Variants in RXRA observed in about 807,000 individuals in gnomAD.
RXRA encodes the protein retinoic acid receptor RXR-alpha.
A neutral mutation model predicts 44.5 loss-of-function variants in RXRA; 5 were observed. The observed-to-expected ratio is 0.11, with a 90% confidence interval of 0.06 to 0.24. The LOEUF (loss-of-function observed/expected upper bound fraction) is 0.24, where lower values mean the gene tolerates loss of function less well. RXRA is among the 10% of genes least tolerant of loss of function. The pLI, the probability that RXRA is intolerant of heterozygous loss-of-function variation, is 1.00. For missense variants in RXRA, 412 were observed against 646.5 expected (o/e 0.64, Z 3.93); for synonymous variants, 291 against 271.4 (o/e 1.07, Z -0.71).
At chr9:134,375,043 G>A (rs1309356040) in intron 1 of RXRA, among the ~76,000 whole-genome samples, 1 of 152,172 alleles carries the variant, frequency 6.6e-6, no homozygotes, top group African/African-American at 2.4e-5. Context: ...ACTGCAGGGA[G>A]TGCTCTTGAG....
chr9:134,412,893 C>T (rs1831171984), intron 4 of RXRA, among the ~76,000 whole-genome samples: 1 of 152,222 alleles, frequency 6.6e-6, no homozygotes, highest in Non-Finnish European at 1.5e-5. Flanking sequence ...AGGAAGGCTG[C>T]TTCCCATTTC....
At chr9:134,384,191 G>A (rs67855714) in intron 1 of RXRA, among the ~76,000 whole-genome samples, 81,164 of 151,462 alleles carry the variant, frequency 0.54, 23,781 homozygotes, top group East Asian at 0.74. Flanking sequence ...ACCCCGGTTG[G>A]GGGGGAGTCC....
At chr9:134,430,233 A>T (rs545991728) in intron 7 of RXRA, among the ~76,000 whole-genome samples, 8 of 152,256 alleles carry the variant, frequency 5.3e-5, no homozygotes, top group Admixed American at 5.2e-4. Context: ...CACACACCAG[A>T]CTGGGCCTTC....
At chr9:134,398,492 C>T (rs990688491) in intron 1 of RXRA, among the ~76,000 whole-genome samples, 1 of 151,824 alleles carries the variant, frequency 6.6e-6, no homozygotes, top group Non-Finnish European at 1.5e-5. Flanking sequence ...ACACACCCAG[C>T]CTATTGTCAC....
chr9:134,400,437 G>A (rs1042924759), intron 1 of RXRA, among the ~76,000 whole-genome samples: 6 of 152,218 alleles, frequency 3.9e-5, no homozygotes, highest in African/African-American at 1.4e-4. Context: ...AAGGCACGGA[G>A]GGCCTGAGAG....
At chr9:134,409,682 C>T (rs1831116391) in intron 4 of RXRA, among the ~76,000 whole-genome samples, 1 of 152,258 alleles carries the variant, frequency 6.6e-6, no homozygotes, top group Admixed American at 6.5e-5. Flanking sequence ...CTTCCCAGTC[C>T]TGGCTGGCTG....
intron 3 of RXRA, 48 bp downstream of exon 3, chr9:134,408,347 C>T (rs1024612872): frequency 1.3e-6 from 2 of 1,556,734 alleles, no homozygotes; most frequent in Non-Finnish European, 1.7e-6. Flanking sequence ...GGTTGTCAGG[C>T]CATTGCAGGG....
Position 134,369,759 on chromosome 9 carries a change from A to G in RXRA, c.29-31873A>G, listed in dbSNP as rs188457455. Among the ~76,000 whole-genome samples, 925 of 151,872 alleles carry G rather than the reference A, an allele frequency of 6.1e-3. 2 individuals carry two copies. The highest frequency in any genetic ancestry group is 8.8e-3 in the Non-Finnish European group (597 of 67,942). On this transcript the variant is annotated intron_variant, in intron 1 of 9. Coordinates refer to ENST00000481739, the MANE Select transcript of RXRA (RefSeq NM_002957.6). ...TCCTGTCTCAGAGCTGCCTTGGTGCACCCTCCCACAGCCTCACATTTGGAG... is the reference window on the plus strand; with the variant it reads ...TCCTGTCTCAGAGCTGCCTTGGTGCGCCCTCCCACAGCCTCACATTTGGAG...
At chr9:134,431,791 C>A in intron 7 of RXRA, 114 bp from the exon 8 acceptor site, 1 of 746,270 alleles carries the variant, frequency 1.3e-6, no homozygotes, top group Non-Finnish European at 2.2e-6. Flanking sequence ...CTTGGCCCAT[C>A]TCAGCGGCCC....
intron 1 of RXRA, among the ~76,000 whole-genome samples, chr9:134,399,794 A>T (rs1830931933): frequency 6.6e-6 from 1 of 152,222 alleles, no homozygotes; most frequent in South Asian, 2.1e-4. Context: ...CCCGACTGCG[A>T]TGGGGCACTA....
intron 1 of RXRA, among the ~76,000 whole-genome samples, chr9:134,328,699 G>A (rs981949151): frequency 6.6e-6 from 1 of 152,228 alleles, no homozygotes; most frequent in Admixed American, 6.5e-5. Flanking sequence ...CCCTCCTCGG[G>A]GTGAGTGGTG....
chr9:134,380,642 G>A (rs1830629750), intron 1 of RXRA, among the ~76,000 whole-genome samples: 1 of 152,076 alleles, frequency 6.6e-6, no homozygotes, highest in Non-Finnish European at 1.5e-5. Context: ...CTGTGGCCAG[G>A]CCTTGGCCCT....
intron 1 of RXRA, among the ~76,000 whole-genome samples, chr9:134,341,301 A>C (rs1236544585): frequency 6.6e-6 from 1 of 151,842 alleles, no homozygotes; most frequent in Non-Finnish European, 1.5e-5. Flanking sequence ...CGGGATTTGA[A>C]CCCAGATTCT....
intron 6 of RXRA, chr9:134,424,222 T>C (rs895893243): frequency 3.0e-6 from 3 of 985,342 alleles, no homozygotes; most frequent in Non-Finnish European, 3.6e-6. Context: ...AGGTGGGGGC[T>C]CCCCGCAAGG....
At chr9:134,369,267 TG>T (rs1178976846) in intron 1 of RXRA, among the ~76,000 whole-genome samples, 1 of 28,896 alleles carries the variant, frequency 3.5e-5, no homozygotes, top group Non-Finnish European at 6.2e-5. Context: ...GTTGTGTGTG[TG>T]GGGGGTTATG....
Position 134,365,465 on chromosome 9 carries a change from G to A in RXRA, c.29-36167G>A, listed in dbSNP as rs1217646472. Reference sequence around the variant, plus strand: ...ACCCGGTGTTCTTGGCTGATGTGTGGGTTTGCTCATGGGGTGGACCAGGCC... The same window carrying A: ...ACCCGGTGTTCTTGGCTGATGTGTGAGTTTGCTCATGGGGTGGACCAGGCC... On this transcript the variant is annotated intron_variant, in intron 1 of 9. Transcript: ENST00000481739. This position sits in a 1 kb window ranked among gnomAD's most constrained non-coding sequence, Gnocchi z 4.0. Among the ~76,000 whole-genome samples, 3 of 152,182 alleles carry A rather than the reference G, an allele frequency of 2.0e-5. No homozygotes were observed. Among genetic ancestry groups the A allele is most frequent in the Admixed American group, 2.0e-4 (3 of 15,280 alleles).
chr9:134,358,301 C>T (rs1830308579), intron 1 of RXRA, among the ~76,000 whole-genome samples: 3 of 152,066 alleles, frequency 2.0e-5, no homozygotes, highest in South Asian at 2.1e-4. Flanking sequence ...CCACTTTCCT[C>T]CGGCAGCAGG....
At chr9:134,339,452 TGCCTGTGTGTGA>T (rs1204810850) in intron 1 of RXRA, among the ~76,000 whole-genome samples, 1 of 151,684 alleles carries the variant, frequency 6.6e-6, no homozygotes, top group African/African-American at 2.4e-5. Context: ...TGTGAGTGTG[TGCCTGTGTGTGA>T]GCCTGTGTGT....
intron 2 of RXRA, chr9:134,405,678 C>T (rs912907608): frequency 6.6e-6 from 1 of 152,348 alleles, no homozygotes; most frequent in East Asian, 1.9e-4. Context: ...GAGTTCCTTT[C>T]CTTTGTGCTT....
Sources: allele counts gnomAD v4.1 joint callset (sites outside exome capture counted in the v4.1 genomes callset), GRCh38; gene constraint gnomAD v4.1.1; non-coding constraint Gnocchi (gnomAD v3.1); transcripts MANE v1.5; gene names NCBI Gene and HGNC (gene_info 2026-07-23, HGNC 2026-07-21).